ADAMTSL1: variants seen among roughly 807,000 people sequenced by gnomAD.
ADAMTSL1 encodes ADAMTS like 1, also known as ADAMTS-like protein 1.
A neutral mutation model predicts 201.8 loss-of-function variants in ADAMTSL1; 126 were observed. That is an observed-to-expected ratio of 0.62 (90% confidence interval 0.54 to 0.72). The LOEUF is 0.72. Among genes scored for constraint, ADAMTSL1 ranks in the 30% least tolerant of loss-of-function variants. The pLI is 0.00. For missense variants in ADAMTSL1, 2,679 were observed against 2,277.8 expected (o/e 1.18, Z -3.59); for synonymous variants, 1,121 against 903.4 (o/e 1.24, Z -4.32).
intron 2 of ADAMTSL1, among the ~76,000 whole-genome samples, chr9:18,197,877 C>T (rs937812420): frequency 1.3e-4 from 20 of 151,878 alleles, no homozygotes; most frequent in East Asian, 3.9e-4. Flanking sequence ...GCTACAGTAA[C>T]GAAGACAGCA....
At chr9:17,908,740 G>A (rs1349490152) in intron 1 of ADAMTSL1, among the ~76,000 whole-genome samples, 2 of 152,220 alleles carry the variant, frequency 1.3e-5, no homozygotes, top group African/African-American at 2.4e-5. Flanking sequence ...TTACAGGCGT[G>A]AGCCACTGCT....
intron 1 of ADAMTSL1, among the ~76,000 whole-genome samples, chr9:18,035,903 T>G (rs976136837): frequency 2.0e-5 from 3 of 152,170 alleles, no homozygotes; most frequent in African/African-American, 7.2e-5. Context: ...CTATATATGC[T>G]AAGAGCTGTG....
intron 15 of ADAMTSL1, among the ~76,000 whole-genome samples, chr9:18,742,560 C>T (rs568950870): frequency 1.6e-4 from 24 of 152,188 alleles, no homozygotes; most frequent in African/African-American, 5.5e-4. Context: ...TTGATGTGAG[C>T]TGGGATGGTG....
At chr9:18,244,270 A>G (rs114069577) in intron 2 of ADAMTSL1, among the ~76,000 whole-genome samples, 115 of 152,148 alleles carry the variant, frequency 7.6e-4, no homozygotes, top group African/African-American at 2.5e-3. Context: ...CTCTCTCAAG[A>G]GTTTTCTAAT....
In ADAMTSL1 at chr9:18,314,642, G is replaced by A. The variant is rs572919724; in HGVS notation, c.207+150661G>A. ...CATGAGTGAAGCTGCAGACCTTTGCGGTGAGTGTTACAGCTCATAAAGGCA... is the reference window on the plus strand; with the variant it reads ...CATGAGTGAAGCTGCAGACCTTTGCAGTGAGTGTTACAGCTCATAAAGGCA... On this transcript the variant is annotated intron_variant, in intron 2 of 29. Coordinates refer to the ADAMTSL1 transcript ENST00000680146. 5.6e-4 allele frequency among the ~76,000 whole-genome samples: 85 copies of A among 152,034 alleles called. 1 individual carries two copies. Among genetic ancestry groups the A allele is most frequent in the African/African-American group, 1.7e-3 (72 of 41,510 alleles).
At chr9:18,575,466 T>C (rs1450616832) in intron 4 of ADAMTSL1, among the ~76,000 whole-genome samples, 1 of 152,216 alleles carries the variant, frequency 6.6e-6, no homozygotes, top group African/African-American at 2.4e-5. Context: ...CTTAGAGTTA[T>C]TCAATCAACA....
chr9:18,488,712 A>G (rs1258116515), intron 1 of ADAMTSL1, among the ~76,000 whole-genome samples: 1 of 152,136 alleles, frequency 6.6e-6, no homozygotes, highest in Non-Finnish European at 1.5e-5. Flanking sequence ...AACATCAGCA[A>G]TTATTACTCT....
intron 1 of ADAMTSL1, among the ~76,000 whole-genome samples, chr9:18,030,061 G>T (rs1316935499): frequency 1.3e-5 from 2 of 152,112 alleles, no homozygotes; most frequent in Non-Finnish European, 2.9e-5. Flanking sequence ...ATACCCAAAG[G>T]ATTATAAATC....
At chr9:18,839,252 C>T (rs1563845679) in intron 23 of ADAMTSL1, among the ~76,000 whole-genome samples, 1 of 144,426 alleles carries the variant, frequency 6.9e-6, no homozygotes, top group African/African-American at 2.6e-5. Flanking sequence ...TCTCATTGTT[C>T]AATTCCCACC....
At chr9:18,363,747 C>T (rs1399850737) in intron 2 of ADAMTSL1, among the ~76,000 whole-genome samples, 1 of 152,148 alleles carries the variant, frequency 6.6e-6, no homozygotes, top group African/African-American at 2.4e-5. Flanking sequence ...CTGACAACTC[C>T]TCCTTTCTAA....
At chr9:18,564,797 A>G (rs573707455) in intron 3 of ADAMTSL1, among the ~76,000 whole-genome samples, 1 of 152,330 alleles carries the variant, frequency 6.6e-6, no homozygotes, top group East Asian at 1.9e-4. Flanking sequence ...TTAAGAAAAG[A>G]TACTGCTAAA....
At chr9:18,274,391 A>G (rs543944111) in intron 2 of ADAMTSL1, among the ~76,000 whole-genome samples, 1 of 152,298 alleles carries the variant, frequency 6.6e-6, no homozygotes, top group Admixed American at 6.5e-5. Context: ...AACTGAGCTA[A>G]TATTTCTTTC....
intron 2 of ADAMTSL1, among the ~76,000 whole-genome samples, chr9:18,448,023 C>CTCTT: frequency 6.6e-6 from 1 of 151,714 alleles, no homozygotes; most frequent in East Asian, 1.9e-4. Flanking sequence ...CTCGCTCTCG[C>CTCTT]TCTTTCTCTC....
intron 1 of ADAMTSL1, among the ~76,000 whole-genome samples, chr9:18,138,885 G>A (rs1395247116): frequency 6.6e-6 from 1 of 152,078 alleles, no homozygotes; most frequent in Non-Finnish European, 1.5e-5. Flanking sequence ...TAAGCCTCTT[G>A]CATGCCCTCA....
chr9:18,788,999 C>T (rs959432092), intron 19 of ADAMTSL1, among the ~76,000 whole-genome samples: 2 of 152,124 alleles, frequency 1.3e-5, no homozygotes, highest in African/African-American at 2.4e-5. Context: ...GCCAACCCAA[C>T]GTGCTACGTG....
chr9:18,128,731 C>T (rs1289511764), intron 1 of ADAMTSL1, among the ~76,000 whole-genome samples: 1 of 151,982 alleles, frequency 6.6e-6, no homozygotes, highest in Admixed American at 6.6e-5. Context: ...TCTCTCTCTC[C>T]CCCCTTTTTT....
chr9:18,506,104 T>TA (rs1469823229), intron 2 of ADAMTSL1, among the ~76,000 whole-genome samples: 1 of 152,234 alleles, frequency 6.6e-6, no homozygotes, highest in Non-Finnish European at 1.5e-5. Flanking sequence ...AGGTGTGCAC[T>TA]AAAAATGGGT....
upstream of ADAMTSL1, among the ~76,000 whole-genome samples, chr9:18,473,020 CGTTGCT>C (rs1030734687): frequency 7.9e-5 from 12 of 152,192 alleles, no homozygotes; most frequent in African/African-American, 2.9e-4. Flanking sequence ...CTGACCTTCT[CGTTGCT>C]GTTGCTGGCC....
intron 19 of ADAMTSL1, among the ~76,000 whole-genome samples, chr9:18,794,499 T>C (rs1332782967): frequency 1.3e-5 from 2 of 152,108 alleles, no homozygotes; most frequent in African/African-American, 4.8e-5. Flanking sequence ...GATGTATATA[T>C]GACTACACAG....
Sources: allele counts gnomAD v4.1 joint callset (sites outside exome capture counted in the v4.1 genomes callset), GRCh38; gene constraint gnomAD v4.1.1; transcripts MANE v1.5; gene names NCBI Gene and HGNC (gene_info 2026-07-23, HGNC 2026-07-21).